The following CEP170 variants were observed in gnomAD, a reference collection of about 807,000 sequenced individuals.
The protein encoded by CEP170 is centrosomal protein 170, also known as centrosomal protein of 170 kDa.
A neutral mutation model predicts 151.9 loss-of-function variants in CEP170; 21 were observed. The ratio of observed to expected loss-of-function variants is 0.14; its 90% CI spans 0.10 to 0.20. The LOEUF (loss-of-function observed/expected upper bound fraction) is 0.20, where lower values mean the gene tolerates loss of function less well. CEP170 is among the 10% of genes least tolerant of loss of function. The pLI, the probability that CEP170 is intolerant of heterozygous loss-of-function variation, is 1.00. For missense variants in CEP170, 964 were observed against 1,892.9 expected (o/e 0.51, Z 9.11); for synonymous variants, 356 against 648.8 (o/e 0.55, Z 6.86).
intron 4 of CEP170, among the ~76,000 whole-genome samples, chr1:243,207,588 T>C (rs1482862077): frequency 6.6e-6 from 1 of 151,846 alleles, no homozygotes; most frequent in Non-Finnish European, 1.5e-5. Flanking sequence ...CGCATATCCT[T>C]TTTAGGTACA....
intron 4 of CEP170, chr1:243,211,633 A>C: frequency 2.5e-6 from 1 of 392,786 alleles, no homozygotes. Context: ...CACTTCAGTG[A>C]GACTGATGCT....
intron 1 of CEP170, among the ~76,000 whole-genome samples, chr1:243,225,985 A>C (rs1260978347): frequency 6.7e-6 from 1 of 149,028 alleles, no homozygotes; most frequent in Non-Finnish European, 1.5e-5. Context: ...CTATCTATCT[A>C]TATATATACA....
At chr1:243,246,416 G>A (rs1457573173) in intron 1 of CEP170, among the ~76,000 whole-genome samples, 2 of 151,938 alleles carry the variant, frequency 1.3e-5, no homozygotes, top group Non-Finnish European at 2.9e-5. Context: ...ATTTTTAGTA[G>A]AGACAGGGTT....
At chr1:243,217,917 G>A (rs1400613481) in intron 3 of CEP170, among the ~76,000 whole-genome samples, 1 of 152,194 alleles carries the variant, frequency 6.6e-6, no homozygotes, top group Non-Finnish European at 1.5e-5. Context: ...CAAATCCTAT[G>A]AGCGTTCCAC....
intron 14 of CEP170, among the ~76,000 whole-genome samples, chr1:243,154,965 T>C (rs2057416796): frequency 6.6e-6 from 1 of 152,112 alleles, no homozygotes; most frequent in Non-Finnish European, 1.5e-5. Context: ...GGAAAAATGA[T>C]GAGACAAGAG....
At chr1:243,155,859 A>C (rs1252393253) in intron 14 of CEP170, among the ~76,000 whole-genome samples, 1 of 152,142 alleles carries the variant, frequency 6.6e-6, no homozygotes, top group Non-Finnish European at 1.5e-5. Context: ...CATCTTTGGA[A>C]GTTTAAAGGA....
chr1:243,209,247 C>T (rs1275321134), intron 4 of CEP170, among the ~76,000 whole-genome samples: 5 of 152,126 alleles, frequency 3.3e-5, no homozygotes, highest in African/African-American at 9.7e-5. Flanking sequence ...TGCAGTGGCA[C>T]GATCTTGGCT....
chr1:243,254,257 A>G (rs1018572150), intron 1 of CEP170: 1 of 152,096 alleles, frequency 6.6e-6, no homozygotes, highest in African/African-American at 2.4e-5. Flanking sequence ...AGATTCTGTG[A>G]CTTAGTATAC....
intron 1 of CEP170, among the ~76,000 whole-genome samples, chr1:243,248,800 T>C (rs961009687): frequency 3.9e-5 from 6 of 152,214 alleles, no homozygotes; most frequent in South Asian, 2.1e-4. Flanking sequence ...TGAATGCTCA[T>C]AGCACTTAAA....
chr1:243,167,418 A>C (rs1162424178), intron 12 of CEP170, among the ~76,000 whole-genome samples: 1 of 151,840 alleles, frequency 6.6e-6, no homozygotes, highest in African/African-American at 2.4e-5. Flanking sequence ...TGGAAATACA[A>C]AATCCCTTTC....
chr1:243,131,382 C>G (rs1322599084), intron 17 of CEP170, among the ~76,000 whole-genome samples: 1 of 151,950 alleles, frequency 6.6e-6, no homozygotes, highest in Non-Finnish European at 1.5e-5. Context: ...GTCCTAGCTA[C>G]TAAGAAGGCT....
chr1:243,158,363 T>C (rs1218383627), intron 13 of CEP170, among the ~76,000 whole-genome samples: 2 of 152,206 alleles, frequency 1.3e-5, no homozygotes. Flanking sequence ...ATGGTCACTA[T>C]ACATATGATT....
At chr1:243,132,046 G>T (rs1415886271) in intron 17 of CEP170, among the ~76,000 whole-genome samples, 1 of 152,130 alleles carries the variant, frequency 6.6e-6, no homozygotes, top group African/African-American at 2.4e-5. Flanking sequence ...CAATGAGAAT[G>T]CTGTACAACA....
intron 3 of CEP170, 32 bp from the exon 4 acceptor site, chr1:243,211,996 C>T (rs755540159): frequency 6.7e-5 from 96 of 1,435,046 alleles, no homozygotes; most frequent in Non-Finnish European, 7.7e-5. Context: ...TGTTAGGTTA[C>T]GTATGAGGTA....
At chr1:243,161,957 T>A (rs1232565341) in intron 13 of CEP170, among the ~76,000 whole-genome samples, 5 of 152,332 alleles carry the variant, frequency 3.3e-5, no homozygotes, top group African/African-American at 1.2e-4. Context: ...TCCATACAGC[T>A]ATTATAGTAT....
At chr1:243,159,763 T>TTGTGTGTGTGTGTG (rs565534328) in intron 13 of CEP170, among the ~76,000 whole-genome samples, 2,451 of 127,110 alleles carry the variant, frequency 0.019, 59 homozygotes, top group East Asian at 0.062. Context: ...GTTTCCGGTT[T>TTGTGTGTGTGTGTG]TGTGTGTGTG....
At chr1:243,168,397 C>A (rs1475662068) in intron 12 of CEP170, 1 of 151,836 alleles carries the variant, frequency 6.6e-6, no homozygotes, top group African/African-American at 2.4e-5. Flanking sequence ...GGTCTTTTTG[C>A]TTTTTAACTG....
intron 14 of CEP170, 36 bp downstream of exon 14, chr1:243,156,185 A>C (rs1196989161): frequency 3.9e-6 from 6 of 1,551,082 alleles, no homozygotes; most frequent in Non-Finnish European, 5.2e-6. Context: ...GTTCATAGAA[A>C]TTTTGAATTC....
At chr1:243,166,723 T>C (rs909040065) in intron 12 of CEP170, among the ~76,000 whole-genome samples, 5 of 152,086 alleles carry the variant, frequency 3.3e-5, no homozygotes, top group African/African-American at 1.2e-4. Context: ...TCTGATCATT[T>C]TTCTCCTTTC....
Sources: allele counts gnomAD v4.1 joint callset (sites outside exome capture counted in the v4.1 genomes callset), GRCh38; gene constraint gnomAD v4.1.1; transcripts MANE v1.5; gene names NCBI Gene and HGNC (gene_info 2026-07-23, HGNC 2026-07-21).